FRMD4B: variants seen among roughly 807,000 people sequenced by gnomAD.
FRMD4B encodes the protein FERM domain-containing protein 4B.
A neutral mutation model predicts 141.5 loss-of-function variants in FRMD4B; 74 were observed. The ratio of observed to expected loss-of-function variants is 0.52; its 90% confidence interval spans 0.43 to 0.63. The LOEUF (loss-of-function observed/expected upper bound fraction) is 0.63, where lower values mean the gene tolerates loss of function less well. Among genes scored for constraint, FRMD4B ranks in the 30% least tolerant of loss-of-function variants. The pLI, the probability that FRMD4B is intolerant of heterozygous loss-of-function variation, is 0.00. For missense variants in FRMD4B, 1,366 were observed against 1,253.4 expected (o/e 1.09, Z -1.36); for synonymous variants, 506 against 467.9 (o/e 1.08, Z -1.05).
chr3:69,174,009 C>A (rs2092616832), intron 22 of FRMD4B, among the ~76,000 whole-genome samples: 1 of 151,998 alleles, frequency 6.6e-6, no homozygotes, highest in Non-Finnish European at 1.5e-5. Flanking sequence ...CGGTGGTATG[C>A]ACCTGTAATC....
intron 6 of FRMD4B, 21 bp from the exon 7 acceptor site, chr3:69,249,269 CAG>C (rs750586797): frequency 3.6e-5 from 55 of 1,531,032 alleles, no homozygotes; most frequent in Non-Finnish European, 4.9e-5. Context: ...CAAACAAAAA[CAG>C]AGTTGATCAA....
At chr3:69,282,364 C>A (rs113290960) in intron 5 of FRMD4B, among the ~76,000 whole-genome samples, 1 of 152,110 alleles carries the variant, frequency 6.6e-6, no homozygotes, top group African/African-American at 2.4e-5. Flanking sequence ...GGCCCGTTCA[C>A]TTTCAGATCT....
At chr3:69,193,283 T>C (rs1575596313) in intron 17 of FRMD4B, among the ~76,000 whole-genome samples, 1 of 151,884 alleles carries the variant, frequency 6.6e-6, no homozygotes, top group Non-Finnish European at 1.5e-5. Flanking sequence ...CTGAGGAGGG[T>C]GGATCACCTG....
intron 1 of FRMD4B, among the ~76,000 whole-genome samples, chr3:69,448,111 C>T (rs1348142739): frequency 6.6e-6 from 1 of 151,600 alleles, no homozygotes; most frequent in African/African-American, 2.4e-5. Context: ...ATCACTGCAA[C>T]CTCTGTTTCC....
Position 69,273,784 on chromosome 3 carries a change from T to C in FRMD4B, c.501+13968A>G, listed in dbSNP as rs936223233. Among the ~76,000 whole-genome samples, 5 of 152,020 alleles carry C rather than the reference T, an allele frequency of 3.3e-5. No homozygotes were observed. In the South Asian group the frequency reaches 1.0e-3, roughly 32 times the overall value. On this transcript the variant is annotated intron_variant, in intron 5 of 22. Coordinates refer to ENST00000398540, the MANE Select transcript of FRMD4B (RefSeq NM_015123.3). ...AAAGATGAACCTGGGTCTTAAGAGGTAGTGCAGTTGCGAGGAGTGACTGAT... is the reference window on the plus strand; with the variant it reads ...AAAGATGAACCTGGGTCTTAAGAGGCAGTGCAGTTGCGAGGAGTGACTGAT...
chr3:69,200,933 C>T, intron 11 of FRMD4B: 1 of 448,064 alleles, frequency 2.2e-6, no homozygotes, highest in Non-Finnish European at 4.5e-6. Flanking sequence ...CTGAAAGTCA[C>T]CACCTCCCCC....
intron 1 of FRMD4B, among the ~76,000 whole-genome samples, chr3:69,526,725 G>T (rs1289838938): frequency 6.6e-6 from 1 of 152,070 alleles, no homozygotes; most frequent in Non-Finnish European, 1.5e-5. Flanking sequence ...ACTGTCCCGA[G>T]AACATAACAG....
intron 7 of FRMD4B, among the ~76,000 whole-genome samples, chr3:69,239,812 T>G (rs2093369002): frequency 6.6e-6 from 1 of 151,986 alleles, no homozygotes; most frequent in Non-Finnish European, 1.5e-5. Flanking sequence ...ATCCCAGTAC[T>G]TTGGGAAGCT....
chr3:69,367,110 C>T (rs1358538256), intron 1 of FRMD4B, among the ~76,000 whole-genome samples: 2 of 152,100 alleles, frequency 1.3e-5, no homozygotes, highest in Non-Finnish European at 2.9e-5. Flanking sequence ...CACTTGGAGA[C>T]ACTACTACCT....
intron 4 of FRMD4B, among the ~76,000 whole-genome samples, chr3:69,296,692 C>T (rs1395271178): frequency 6.6e-6 from 1 of 152,166 alleles, no homozygotes; most frequent in East Asian, 1.9e-4. Flanking sequence ...AAATCACATT[C>T]CTCCATGAAA....
In FRMD4B at chr3:69,400,425, T is replaced by C. The variant is rs145177980; in HGVS notation, c.-1+32209A>G. 8.5e-3 allele frequency among the ~76,000 whole-genome samples: 1,294 copies of C among 151,974 alleles called. 10 individuals carry two copies. The highest frequency in any genetic ancestry group is 0.013 in the Non-Finnish European group (910 of 67,956). On this transcript the variant is annotated intron_variant, in intron 2 of 5. Coordinates refer to the FRMD4B transcript ENST00000459638. ...GTACCATTTAGAAGAAAATTTAGAA[T>C]TGATTGAGAGCCAAGAATAATAAGG...
At chr3:69,291,481 G>A (rs984626923) in intron 4 of FRMD4B, among the ~76,000 whole-genome samples, 2 of 152,286 alleles carry the variant, frequency 1.3e-5, no homozygotes, top group East Asian at 1.9e-4. Context: ...TGCAAAAGTC[G>A]TAAGGATCAC....
At chr3:69,320,271 C>T (rs1448948658) in intron 1 of FRMD4B, among the ~76,000 whole-genome samples, 1 of 151,902 alleles carries the variant, frequency 6.6e-6, no homozygotes, top group Non-Finnish European at 1.5e-5. Flanking sequence ...AAAATAAAAC[C>T]CCAACTGGGA....
At chr3:69,362,710 C>CCCCCA (rs1553730362) in intron 1 of FRMD4B, among the ~76,000 whole-genome samples, 1 of 148,104 alleles carries the variant, frequency 6.8e-6, no homozygotes, top group African/African-American at 2.5e-5. Context: ...ACCCCCCCCC[C>CCCCCA]AAAAAAACAA....
At chr3:69,536,358 G>C (rs1368838754) in intron 1 of FRMD4B, 1 of 686,218 alleles carries the variant, frequency 1.5e-6, no homozygotes. Flanking sequence ...CTTCGGAGTT[G>C]AGGGGCCTGG....
At chr3:69,304,419 G>C (rs1353164535) in intron 3 of FRMD4B, among the ~76,000 whole-genome samples, 2 of 150,464 alleles carry the variant, frequency 1.3e-5, no homozygotes, top group Non-Finnish European at 2.9e-5. Context: ...AGAAGGCGGA[G>C]GTTGCAGTGA....
intron 1 of FRMD4B, among the ~76,000 whole-genome samples, chr3:69,330,637 G>A (rs1303941916): frequency 1.7e-4 from 25 of 151,252 alleles, no homozygotes; most frequent in Non-Finnish European, 2.8e-4. Flanking sequence ...GAGCCACTGT[G>A]CCTGGCCGCC....
chr3:69,275,346 C>T (rs2093612803), intron 5 of FRMD4B, among the ~76,000 whole-genome samples: 1 of 152,058 alleles, frequency 6.6e-6, no homozygotes, highest in Non-Finnish European at 1.5e-5. Flanking sequence ...AAATTTTCAA[C>T]ATTCACTGAG....
chr3:69,392,525 A>G (rs1425000369), intron 2 of FRMD4B, among the ~76,000 whole-genome samples: 1 of 152,190 alleles, frequency 6.6e-6, no homozygotes, highest in East Asian at 1.9e-4. Context: ...GGGGGACCAG[A>G]AAAGCCCAGC....
Sources: allele counts gnomAD v4.1 joint callset (sites outside exome capture counted in the v4.1 genomes callset), GRCh38; gene constraint gnomAD v4.1.1; transcripts MANE v1.5; gene names NCBI Gene and HGNC (gene_info 2026-07-23, HGNC 2026-07-21).